AGBL3: variants seen among roughly 807,000 people sequenced by gnomAD.
AGBL3 encodes the protein AGBL carboxypeptidase 3, also known as cytosolic carboxypeptidase 3.
Under a neutral mutation model 94.5 loss-of-function variants are expected in AGBL3, and 68 were observed. The observed-to-expected ratio is 0.72, with a 90% CI of 0.59 to 0.88. The LOEUF is 0.88. AGBL3 is among the 40% of genes least tolerant of loss of function. The pLI, the probability that AGBL3 is intolerant of heterozygous loss-of-function variation, is 0.00. For missense variants in AGBL3, 934 were observed against 1,103.8 expected (o/e 0.85, Z 2.18); for synonymous variants, 354 against 370.7 (o/e 0.95, Z 0.52).
chr7:135,035,945 A>G (rs1351681315), intron 7 of AGBL3, among the ~76,000 whole-genome samples: 2 of 152,118 alleles, frequency 1.3e-5, no homozygotes, highest in African/African-American at 4.8e-5. Context: ...GTTATCAATG[A>G]GAATTTATTA....
Position 135,115,481 on chromosome 7 carries a change from G to A in AGBL3, c.2212G>A (p.Asp738Asn), listed in dbSNP as rs117898624. Residue 738 changes from aspartate to asparagine, a missense_variant, in exon 16 of 17, where the codon GAT becomes AAT. This residue lies in a region of AGBL3 where 441 missense variants were observed against 518.2 expected (regional missense o/e 0.85). Coordinates refer to ENST00000436302, the MANE Select transcript of AGBL3 (RefSeq NM_178563.4). ...WTDDEKRSYK[D>N]KGIVQTQEIL... ...AGATGATGAAAAAAGAAGCTACAAGGATAAAGGAATAGTTCAAACTCAAGA... is the reference window on the plus strand; with the variant it reads ...AGATGATGAAAAAAGAAGCTACAAGAATAAAGGAATAGTTCAAACTCAAGA... The A allele has an allele frequency of 1.1e-5, 17 of 1,551,284 alleles. No individual in the cohort carries two copies. The highest frequency in any genetic ancestry group is 1.5e-5 in the Non-Finnish European group (17 of 1,146,728).
intron 5 of AGBL3, among the ~76,000 whole-genome samples, chr7:135,021,670 T>TTG (rs964465324): frequency 6.6e-5 from 10 of 151,732 alleles, no homozygotes; most frequent in African/African-American, 2.4e-4. Flanking sequence ...TTGCTTTTTT[T>TTG]TTTTTACCTT....
At chr7:135,047,670 G>A (rs1464383661) in intron 11 of AGBL3, among the ~76,000 whole-genome samples, 1 of 151,884 alleles carries the variant, frequency 6.6e-6, no homozygotes, top group Non-Finnish European at 1.5e-5. Context: ...GTGTCTTATT[G>A]TAGAAATATC....
At chr7:135,013,403 C>T (rs1813391942) in intron 4 of AGBL3, among the ~76,000 whole-genome samples, 1 of 152,198 alleles carries the variant, frequency 6.6e-6, no homozygotes, top group South Asian at 2.1e-4. Flanking sequence ...CAGTTTATCT[C>T]TTAGGTAAAT....
chr7:135,008,620 A>G (rs1584808140), intron 4 of AGBL3, among the ~76,000 whole-genome samples: 1 of 32,658 alleles, frequency 3.1e-5, no homozygotes, highest in Admixed American at 3.2e-4. Context: ...CAACAACTGA[A>G]AAAAAAAAAA....
At chr7:135,117,259 G>T (rs1395320691) in intron 16 of AGBL3, among the ~76,000 whole-genome samples, 2 of 152,066 alleles carry the variant, frequency 1.3e-5, no homozygotes, top group Non-Finnish European at 2.9e-5. Flanking sequence ...ACCTATGTTT[G>T]ACCAGAGAGA....
At chr7:135,078,907 A>G (rs939868464) in intron 13 of AGBL3, among the ~76,000 whole-genome samples, 1 of 152,172 alleles carries the variant, frequency 6.6e-6, no homozygotes, top group African/African-American at 2.4e-5. Flanking sequence ...CGAACTGACT[A>G]TTTCTTACTT....
At chr7:135,072,830 G>A (rs923344206) in intron 12 of AGBL3, among the ~76,000 whole-genome samples, 2 of 151,630 alleles carry the variant, frequency 1.3e-5, no homozygotes, top group African/African-American at 4.9e-5. Flanking sequence ...AAGTGAACAG[G>A]TGCAGCACAC....
intron 8 of AGBL3, among the ~76,000 whole-genome samples, chr7:135,043,076 A>T (rs1477817067): frequency 6.6e-6 from 1 of 152,194 alleles, no homozygotes; most frequent in East Asian, 1.9e-4. Flanking sequence ...TTTATTTTTG[A>T]ACATCTCCAA....
At chr7:135,115,702 A>G (rs1456532169) in intron 16 of AGBL3, 91 bp downstream of exon 16, 3 of 1,115,980 alleles carry the variant, frequency 2.7e-6, no homozygotes, top group African/African-American at 3.2e-5. Flanking sequence ...ACGAAAAAAA[A>G]ATCTGCTCTT....
intron 4 of AGBL3, among the ~76,000 whole-genome samples, chr7:134,998,616 G>A (rs1373637152): frequency 6.6e-6 from 1 of 152,168 alleles, no homozygotes; most frequent in Non-Finnish European, 1.5e-5. Flanking sequence ...TTTATTTAGA[G>A]TAAGGATATA....
chr7:135,027,893 T>C (rs1201877000), intron 5 of AGBL3, among the ~76,000 whole-genome samples: 1 of 151,654 alleles, frequency 6.6e-6, no homozygotes, highest in Non-Finnish European at 1.5e-5. Flanking sequence ...CCATAATTTA[T>C]ACAACCATGC....
At chr7:135,096,563 AGATAGATAGATAGATAGATACAT>A (rs772478914) in intron 15 of AGBL3, among the ~76,000 whole-genome samples, 17,159 of 89,970 alleles carry the variant, frequency 0.19, 1,541 homozygotes, top group Middle Eastern at 0.29. Flanking sequence ...AAAGAAAGAT[AGATAGATAGATAGATAGATACAT>A]AGATAGATAG....
chr7:135,129,123 G>A, intron 16 of AGBL3: 1 of 1,543,660 alleles, frequency 6.5e-7, no homozygotes, highest in Non-Finnish European at 9.0e-7. Context: ...AGTGGAAGCA[G>A]AGTTATTTGC....
In AGBL3 at chr7:135,129,884, T is replaced by A. The variant is rs1229252339; in HGVS notation, c.2343-4957T>A. ...CATTCATACATTTTTTAATGCAAGTTGAGAAAAATTATAAGCCAAGGGTTC... is the reference window on the plus strand; with the variant it reads ...CATTCATACATTTTTTAATGCAAGTAGAGAAAAATTATAAGCCAAGGGTTC... On this transcript the variant is annotated intron_variant, in intron 16 of 16. Coordinates refer to ENST00000436302, the MANE Select transcript of AGBL3 (RefSeq NM_178563.4). Among the ~76,000 whole-genome samples, 6 of 152,168 alleles carry A rather than the reference T, an allele frequency of 3.9e-5. No individual in the cohort carries two copies. The East Asian group carries it at 1.2e-3, about 29-fold the overall frequency.
intron 5 of AGBL3, among the ~76,000 whole-genome samples, chr7:135,031,059 ATCTTT>A (rs1459448360): frequency 6.6e-6 from 1 of 151,480 alleles, no homozygotes; most frequent in Non-Finnish European, 1.5e-5. Context: ...ATGATCTCTT[ATCTTT>A]TCATTTTTTG....
intron 15 of AGBL3, among the ~76,000 whole-genome samples, chr7:135,098,978 C>A (rs1033591265): frequency 6.6e-6 from 1 of 152,114 alleles, no homozygotes; most frequent in East Asian, 1.9e-4. Flanking sequence ...CTCACACATA[C>A]TATTAATCTG....
intron 16 of AGBL3, among the ~76,000 whole-genome samples, chr7:135,123,315 T>G (rs1562898301): frequency 6.6e-6 from 1 of 151,998 alleles, no homozygotes; most frequent in Non-Finnish European, 1.5e-5. Flanking sequence ...ACAACCTTGC[T>G]GAAATAAGGC....
intron 5 of AGBL3, among the ~76,000 whole-genome samples, chr7:135,019,546 C>T (rs1300591683): frequency 6.6e-6 from 1 of 151,622 alleles, no homozygotes; most frequent in East Asian, 1.9e-4. Flanking sequence ...TTCATTTTTT[C>T]CCACCTTTTA....
Sources: gnomAD v4.1 joint callset for allele counts (sites outside exome capture counted in the v4.1 genomes callset) on GRCh38, gnomAD v4.1.1 for gene constraint, gnomAD v4.1.1 regional missense constraint, MANE v1.5 for transcripts, NCBI Gene and HGNC (gene_info 2026-07-23, HGNC 2026-07-21) for gene names.